DAB2IP: variants seen among roughly 807,000 people sequenced by gnomAD.
The protein encoded by DAB2IP is disabled homolog 2-interacting protein.
Under a neutral mutation model 107.2 loss-of-function variants are expected in DAB2IP, and 28 were observed. The observed-to-expected ratio is 0.26, with a 90% CI of 0.19 to 0.36. The LOEUF is 0.36. Ranked by LOEUF, DAB2IP falls within the 10% of genes least tolerant of loss-of-function variation. The pLI, the probability that DAB2IP is intolerant of heterozygous loss-of-function variation, is 1.00. For synonymous variants in DAB2IP, 755 were observed against 706.4 expected, an observed-to-expected ratio of 1.07 and a Z score of -1.09; for missense variants, 1,400 against 1,644.7, an observed-to-expected ratio of 0.85 and a Z score of 2.57.
intron 4 of DAB2IP, among the ~76,000 whole-genome samples, chr9:121,758,675 C>T (rs1192886056): frequency 6.6e-6 from 1 of 152,148 alleles, no homozygotes; most frequent in African/African-American, 2.4e-5. Flanking sequence ...CAGGATGGGG[C>T]CACTCTCCGG....
rs147554844 is a variant in DAB2IP, at chr9:121,698,343, G to A, written c.229-982G>A. Among the ~76,000 whole-genome samples the A allele has an allele frequency of 1.4e-3, 206 of 152,108 alleles. No homozygotes were observed. Among genetic ancestry groups the A allele is most frequent in the Non-Finnish European group, 2.3e-3 (155 of 67,978 alleles). On this transcript the variant is annotated intron_variant, in intron 2 of 15. Coordinates refer to ENST00000408936, the Ensembl canonical transcript of DAB2IP. This position sits in a 1 kb window ranked among gnomAD's most constrained non-coding sequence, Gnocchi z 4.1. ...CCCCTGGGGCCCCCACATCTATCCCGTCACCTGTAAAGGGAAGATTGGTTT... is the reference window on the plus strand; with the variant it reads ...CCCCTGGGGCCCCCACATCTATCCCATCACCTGTAAAGGGAAGATTGGTTT...
At chr9:121,727,113 A>C (rs1042795837) in intron 3 of DAB2IP, among the ~76,000 whole-genome samples, 1 of 152,054 alleles carries the variant, frequency 6.6e-6, no homozygotes, top group Non-Finnish European at 1.5e-5. Context: ...AGGATAAAGC[A>C]CTCTGAGGGG....
chr9:121,648,937 C>T (rs1335446650), upstream of DAB2IP, among the ~76,000 whole-genome samples: 1 of 151,910 alleles, frequency 6.6e-6, no homozygotes, highest in Non-Finnish European at 1.5e-5. Context: ...ACAGGGGCGC[C>T]GGCGGGAGGT....
chr9:121,713,576 A>G (rs566718573), intron 3 of DAB2IP, among the ~76,000 whole-genome samples: 1 of 151,992 alleles, frequency 6.6e-6, no homozygotes, highest in Non-Finnish European at 1.5e-5. Flanking sequence ...AACTTTGGCC[A>G]GTAGTGGTGG....
intron 1 of DAB2IP, among the ~76,000 whole-genome samples, chr9:121,629,097 C>A (rs796286477): frequency 9.9e-5 from 15 of 152,250 alleles, no homozygotes; most frequent in African/African-American, 2.4e-4. Context: ...CTAGTAGAAC[C>A]CCCCAGACTC....
At chr9:121,695,892 T>C (rs1479113120) in intron 2 of DAB2IP, among the ~76,000 whole-genome samples, 3 of 152,202 alleles carry the variant, frequency 2.0e-5, no homozygotes, top group East Asian at 1.9e-4. Context: ...TTTTTTGAGA[T>C]GGAATCTTGT....
chr9:121,586,440 G>A (rs1830315265), intron 1 of DAB2IP, among the ~76,000 whole-genome samples: 1 of 152,200 alleles, frequency 6.6e-6, no homozygotes, highest in African/African-American at 2.4e-5. Flanking sequence ...GTAAGTGGCA[G>A]ATATTACCTG....
intron 1 of DAB2IP, among the ~76,000 whole-genome samples, chr9:121,590,659 G>A (rs991960060): frequency 1.1e-4 from 17 of 152,116 alleles, no homozygotes; most frequent in African/African-American, 1.7e-4. Flanking sequence ...TCATAGCAAC[G>A]GGCAGAAATG....
chr9:121,747,932 A>G (rs1001058649), intron 3 of DAB2IP, among the ~76,000 whole-genome samples: 6 of 151,710 alleles, frequency 4.0e-5, no homozygotes, highest in African/African-American at 1.5e-4. Context: ...TGAAAACTCC[A>G]TTAGGCTTGC....
intron 1 of DAB2IP, among the ~76,000 whole-genome samples, chr9:121,577,414 G>T (rs1830088626): frequency 6.6e-6 from 1 of 152,212 alleles, no homozygotes; most frequent in South Asian, 2.1e-4. Flanking sequence ...CTCTGTGTGT[G>T]CGCACACGGG....
intron 1 of DAB2IP, among the ~76,000 whole-genome samples, chr9:121,668,141 T>C (rs1404458882): frequency 6.6e-6 from 1 of 151,932 alleles, no homozygotes; most frequent in Non-Finnish European, 1.5e-5. Flanking sequence ...CAATTCAAGA[T>C]GACATTTGAG....
At chr9:121,774,588 C>T (rs569427709) in intron 13 of DAB2IP, among the ~76,000 whole-genome samples, 176 bp downstream of exon 13, 3 of 152,256 alleles carry the variant, frequency 2.0e-5, no homozygotes, top group East Asian at 3.9e-4. Flanking sequence ...GGAAGAAAAG[C>T]AACAAGAGGG....
At chr9:121,606,762 G>A (rs1454302363) in intron 1 of DAB2IP, among the ~76,000 whole-genome samples, 2 of 151,510 alleles carry the variant, frequency 1.3e-5, no homozygotes, top group Non-Finnish European at 2.9e-5. Flanking sequence ...GAATGGCAGC[G>A]TTCTTTGTTT....
exon 7 of DAB2IP, chr9:121,763,591 C>G (rs1414152260): frequency 3.7e-6 from 6 of 1,613,786 alleles, no homozygotes; most frequent in Non-Finnish European, 5.1e-6. Flanking sequence ...CACTGGCCAC[C>G]AAGGCCATTG....
intron 2 of DAB2IP, among the ~76,000 whole-genome samples, chr9:121,691,497 A>T (rs925918056): frequency 6.7e-6 from 1 of 149,958 alleles, no homozygotes; most frequent in Admixed American, 6.6e-5. Context: ...CTCCAGCCTG[A>T]GGACAGTGAG....
intron 1 of DAB2IP, among the ~76,000 whole-genome samples, chr9:121,626,250 G>T (rs541112312): frequency 9.2e-5 from 14 of 152,010 alleles, no homozygotes; most frequent in African/African-American, 2.4e-4. Context: ...GGGCATCCCT[G>T]GAGGCTGCAG....
At chr9:121,627,199 G>T (rs533118873) in intron 1 of DAB2IP, among the ~76,000 whole-genome samples, 1 of 151,660 alleles carries the variant, frequency 6.6e-6, no homozygotes, top group South Asian at 2.1e-4. Flanking sequence ...CCACCCAGGA[G>T]ATCATCCCAC....
At chr9:121,665,261 T>G (rs115782344) in intron 1 of DAB2IP, among the ~76,000 whole-genome samples, 1,849 of 152,270 alleles carry the variant, frequency 0.012, 58 homozygotes, top group African/African-American at 0.042. Context: ...CCCAGCACTT[T>G]GGAAGGCCAA....
chr9:121,756,485 G>A (rs889340146), intron 3 of DAB2IP, among the ~76,000 whole-genome samples: 1 of 152,262 alleles, frequency 6.6e-6, no homozygotes, highest in Non-Finnish European at 1.5e-5. Flanking sequence ...TAAGATGGGA[G>A]CAGCAGGGTC....
Sources: gnomAD v4.1 joint callset for allele counts (sites outside exome capture counted in the v4.1 genomes callset) on GRCh38, gnomAD v4.1.1 for gene constraint, Gnocchi (gnomAD v3.1) non-coding constraint, MANE v1.5 for transcripts, NCBI Gene and HGNC (gene_info 2026-07-23, HGNC 2026-07-21) for gene names.